OSTF1: variants seen among roughly 807,000 people sequenced by gnomAD.
OSTF1 encodes osteoclast-stimulating factor 1.
A neutral mutation model predicts 37.2 loss-of-function variants in OSTF1; 27 were observed. The ratio of observed to expected loss-of-function variants is 0.73; its 90% confidence interval spans 0.54 to 1.00. The LOEUF (loss-of-function observed/expected upper bound fraction) is 1.00, where lower values mean the gene tolerates loss of function less well. Among genes scored for constraint, OSTF1 ranks in the 50% least tolerant of loss-of-function variants. The probability of loss-of-function intolerance (pLI) is 0.00; values close to 1 mark genes in which losing one functional copy is unlikely to be tolerated. For synonymous variants in OSTF1, 82 were observed against 89.2 expected, an observed-to-expected ratio of 0.92 and a Z score of 0.46; for missense variants, 232 against 253.8, an observed-to-expected ratio of 0.91 and a Z score of 0.58.
At chr9:75,120,854 ATC>A (rs569951359) in intron 2 of OSTF1, among the ~76,000 whole-genome samples, 66 of 152,234 alleles carry the variant, frequency 4.3e-4, no homozygotes, top group African/African-American at 1.4e-3. Context: ...AGTAGAACCT[ATC>A]TCTCAACCCT....
At position 75,095,629 on chromosome 9, in the gene OSTF1, T is replaced by A. The variant is rs564201761; in HGVS notation, c.34+6903T>A. 3.3e-5 allele frequency among the ~76,000 whole-genome samples: 5 copies of A among 152,316 alleles called. No individual in the cohort carries two copies. The East Asian group carries it at 9.7e-4, about 29-fold the overall frequency. On this transcript the variant is annotated intron_variant, in intron 1 of 9. Coordinates refer to ENST00000346234, the MANE Select transcript of OSTF1 (RefSeq NM_012383.5). ...TTCTTTCAGAGAAGTCAAGGAAATTTGGTATGTGCACAGAGAACTGTGAAC... is the reference window on the plus strand; with the variant it reads ...TTCTTTCAGAGAAGTCAAGGAAATTAGGTATGTGCACAGAGAACTGTGAAC...
intron 4 of OSTF1, 27 bp from the exon 5 acceptor site, chr9:75,131,743 G>A (rs1825763292): frequency 6.3e-7 from 1 of 1,595,650 alleles, no homozygotes; most frequent in Non-Finnish European, 8.6e-7. Context: ...TTCCACATTG[G>A]GTTAACACTT....
intron 1 of OSTF1, among the ~76,000 whole-genome samples, chr9:75,102,581 C>T (rs1825212795): frequency 6.6e-6 from 1 of 152,164 alleles, no homozygotes; most frequent in Non-Finnish European, 1.5e-5. Flanking sequence ...AAACCTCTAG[C>T]ATCCGCTCAT....
In OSTF1 at chr9:75,140,413, C is replaced by T. The variant is rs139390505; in HGVS notation, c.488-421C>T. On this transcript the variant is annotated intron_variant, in intron 8 of 9. Transcript: ENST00000346234. ...AATAATGAATTGCCTCTTGGTTTTA[C>T]GTGTTGCTATTCTGTTAATTTGCAT... is the stretch of plus-strand genomic sequence containing the variant. Among the ~76,000 whole-genome samples the T allele has an allele frequency of 2.9e-3, 438 of 152,260 alleles. 1 individual carries two copies. Among genetic ancestry groups the T allele is most frequent in the African/African-American group, 0.01 (429 of 41,538 alleles).
intron 8 of OSTF1, among the ~76,000 whole-genome samples, chr9:75,139,622 C>G (rs1254868194): frequency 6.6e-6 from 1 of 152,106 alleles, no homozygotes; most frequent in Non-Finnish European, 1.5e-5. Context: ...AGAGATGGGC[C>G]ATGTTGGTCA....
Position 75,128,512 on chromosome 9 carries a change from TATATATATTTTGTCC to T in OSTF1, c.132+902_132+916del, listed in dbSNP as rs1389018398. Among the ~76,000 whole-genome samples, 8 of 40,294 alleles carry T rather than the reference TATATATATTTTGTCC, an allele frequency of 2.0e-4. 3 individuals carry two copies. Among genetic ancestry groups the T allele is most frequent in the African/African-American group, 7.4e-4 (6 of 8,114 alleles). 26.4% of individuals were successfully genotyped at this position (40,294 alleles called of 152,430 possible). A position where few individuals can be genotyped will look rare whatever the true frequency, so the allele number is the denominator to read the frequency against. ...TATATATATTTTGTCCATATATATA[TATATATATTTTGTCC>T]ATATATATATATATATATTTTGTCC... On this transcript the variant is annotated intron_variant, in intron 3 of 9. Transcript: ENST00000346234.
intron 1 of OSTF1, among the ~76,000 whole-genome samples, chr9:75,104,869 T>G (rs1371504780): frequency 1.3e-5 from 2 of 152,202 alleles, no homozygotes; most frequent in African/African-American, 4.8e-5. Context: ...TAAGGCTCTT[T>G]GCTGCCACTC....
intron 1 of OSTF1, among the ~76,000 whole-genome samples, chr9:75,106,977 G>GAAAAAAAAAGAAAAAAAAAAAA (rs1825297480): frequency 2.8e-5 from 3 of 105,394 alleles, no homozygotes; most frequent in Admixed American, 9.6e-5. Flanking sequence ...AAAAGAAAAA[G>GAAAAAAAAAGAAAAAAAAAAAA]AAAAAAAAAG....
At position 75,124,284 on chromosome 9, in the gene OSTF1, A is replaced by G. The variant is rs186000490; in HGVS notation, c.82-3285A>G. Among the ~76,000 whole-genome samples the G allele has an allele frequency of 2.9e-3, 439 of 152,310 alleles. 1 individual carries two copies. Among genetic ancestry groups the G allele is most frequent in the African/African-American group, 0.01 (430 of 41,574 alleles). On this transcript the variant is annotated intron_variant, in intron 2 of 9. Transcript: ENST00000346234. ...TATCGTTTGTGTTACAAACAATCCA[A>G]TTATACTCTTAGTTATTTAAAAATG...
At chr9:75,132,568 A>G (rs770195834) in intron 5 of OSTF1, among the ~76,000 whole-genome samples, 13 of 152,172 alleles carry the variant, frequency 8.5e-5, no homozygotes, top group Non-Finnish European at 1.8e-4. Context: ...CCAAATGCCA[A>G]TGGGGCTGCT....
At chr9:75,090,557 C>T (rs1174766077) in intron 1 of OSTF1, among the ~76,000 whole-genome samples, 1 of 152,018 alleles carries the variant, frequency 6.6e-6, no homozygotes, top group Non-Finnish European at 1.5e-5. Context: ...CATTAATTTA[C>T]AAATGAGATC....
intron 2 of OSTF1, among the ~76,000 whole-genome samples, chr9:75,124,523 G>T (rs189719026): frequency 6.6e-6 from 1 of 152,116 alleles, no homozygotes; most frequent in Admixed American, 6.5e-5. Context: ...GAGAACATGC[G>T]ATGTTTGTTT....
chr9:75,102,015 C>T (rs1337621645), intron 1 of OSTF1, among the ~76,000 whole-genome samples: 1 of 152,210 alleles, frequency 6.6e-6, no homozygotes, highest in Non-Finnish European at 1.5e-5. Context: ...GTCACCTAGG[C>T]TGGAAGGGCA....
At chr9:75,095,858 C>G (rs985639350) in intron 1 of OSTF1, among the ~76,000 whole-genome samples, 5 of 151,004 alleles carry the variant, frequency 3.3e-5, no homozygotes, top group African/African-American at 1.2e-4. Context: ...AACTGCAAAT[C>G]AATTAAACAA....
intron 9 of OSTF1, among the ~76,000 whole-genome samples, chr9:75,145,042 T>C (rs1479392133): frequency 6.6e-6 from 1 of 152,236 alleles, no homozygotes; most frequent in African/African-American, 2.4e-5. Context: ...CTCTGTCCTT[T>C]ATGTTTTTGT....
At chr9:75,101,956 T>TA (rs1564154952) in intron 1 of OSTF1, among the ~76,000 whole-genome samples, 1 of 152,210 alleles carries the variant, frequency 6.6e-6, no homozygotes. Flanking sequence ...TAAGGCCATT[T>TA]AAAAAAATTT....
At chr9:75,089,733 G>A (rs1460874382) in intron 1 of OSTF1, among the ~76,000 whole-genome samples, 2 of 152,224 alleles carry the variant, frequency 1.3e-5, no homozygotes, top group African/African-American at 4.8e-5. Context: ...ATAGCGAAAT[G>A]CTGAAATTTA....
At chr9:75,103,976 CCCACACT>C (rs1390255089) in intron 1 of OSTF1, among the ~76,000 whole-genome samples, 1 of 152,172 alleles carries the variant, frequency 6.6e-6, no homozygotes, top group Non-Finnish European at 1.5e-5. Context: ...TGCCTGTAAT[CCCACACT>C]TTGGGAGGCC....
At chr9:75,114,059 CT>C (rs1191026407) in intron 1 of OSTF1, among the ~76,000 whole-genome samples, 1 of 152,190 alleles carries the variant, frequency 6.6e-6, no homozygotes, top group Non-Finnish European at 1.5e-5. Flanking sequence ...CTCTCCATGC[CT>C]GGCTAATTCA....
Sources: allele counts gnomAD v4.1 joint callset (sites outside exome capture counted in the v4.1 genomes callset), GRCh38; gene constraint gnomAD v4.1.1; transcripts MANE v1.5; gene names NCBI Gene and HGNC (gene_info 2026-07-23, HGNC 2026-07-21).